Variants in KIAA0586 observed in about 807,000 individuals in gnomAD.
KIAA0586 encodes KIAA0586.
A neutral mutation model predicts 169.8 loss-of-function variants in KIAA0586; 144 were observed. The observed-to-expected ratio is 0.85, with a 90% confidence interval of 0.74 to 0.97. KIAA0586 has a LOEUF of 0.97. Ranked by LOEUF, KIAA0586 falls within the 50% of genes least tolerant of loss-of-function variation. The pLI is 0.00. For missense variants in KIAA0586, 1,854 were observed against 1,823.0 expected, an observed-to-expected ratio of 1.02 and a Z score of -0.31; for synonymous variants, 625 against 612.4, an observed-to-expected ratio of 1.02 and a Z score of -0.30.
At position 58,488,738 on chromosome 14, in the gene KIAA0586, C is replaced by A. The variant is rs375360391; in HGVS notation, c.3645C>A (p.Pro1215=). The change falls in exon 24 of 31, where the codon CCC becomes CCA. Residue 1215 remains proline, a synonymous_variant. Coordinates refer to ENST00000652326, the MANE Select transcript of KIAA0586 (RefSeq NM_001329943.3). Reference sequence around the variant, plus strand: ...CTGCCGGCACCAAGGCCCCTTCCCCCTCACAGATGCCAGGTTCTGATTCAT... The same window carrying A: ...CTGCCGGCACCAAGGCCCCTTCCCCATCACAGATGCCAGGTTCTGATTCAT... The part of the protein sequence containing the change: ...PFPAGTKAPS[P]SQMPGSDSST... The A allele has an allele frequency of 1.2e-6, 2 of 1,613,914 alleles. No individual in the cohort carries two copies. Among genetic ancestry groups the A allele is most frequent in the South Asian group, 2.2e-5 (2 of 91,084 alleles).
chr14:58,469,030 A>C (rs1191257091), intron 16 of KIAA0586, among the ~76,000 whole-genome samples: 1 of 152,110 alleles, frequency 6.6e-6, no homozygotes, highest in Non-Finnish European at 1.5e-5. Context: ...ACAGGCTCTT[A>C]GTACTGATTT....
chr14:58,442,991 T>C, intron 5 of KIAA0586, 111 bp downstream of exon 5: 1 of 756,196 alleles, frequency 1.3e-6, no homozygotes, highest in Non-Finnish European at 2.1e-6. Context: ...AACATTGTAG[T>C]TGCTCTCAAT....
At position 58,453,180 on chromosome 14, in the gene KIAA0586, A is replaced by G. The variant is rs538030845; in HGVS notation, c.1130-170A>G. ...ATGATCCACCCACCTCAGCCTCCCA[A>G]TGTGCTGGGATTACAGGCATGAGCC... On this transcript the variant is annotated intron_variant, in intron 8 of 30. Transcript: ENST00000652326. Among the ~76,000 whole-genome samples the G allele has an allele frequency of 1.7e-3, 259 of 149,088 alleles. 1 individual carries two copies. Among genetic ancestry groups the G allele is most frequent in the Non-Finnish European group, 1.8e-3 (119 of 66,914 alleles).
At chr14:58,557,467 G>C in the KIAA0586 span, among the ~76,000 whole-genome samples, 3 of 152,220 alleles carry the variant, frequency 2.0e-5, no homozygotes, top group Non-Finnish European at 4.4e-5. Flanking sequence ...AATGCAAAAA[G>C]CTGGTGCAGC....
At chr14:58,459,135 G>A (rs1385590729) in intron 12 of KIAA0586, among the ~76,000 whole-genome samples, 2 of 152,168 alleles carry the variant, frequency 1.3e-5, no homozygotes, top group African/African-American at 4.8e-5. Context: ...GTCCTGGGGT[G>A]CAAGGTGTGT....
chr14:58,531,636 G>C (rs994307786), intron 29 of KIAA0586, among the ~76,000 whole-genome samples: 1 of 152,090 alleles, frequency 6.6e-6, no homozygotes, highest in African/African-American at 2.4e-5. Context: ...GATTCCTCAA[G>C]GATCTAGAAC....
At chr14:58,427,403 T>TC (rs2036905703), upstream of KIAA0586, 1 of 542,174 alleles carries the variant, frequency 1.8e-6, no homozygotes, top group Non-Finnish European at 3.3e-6. Context: ...TAATCCCACG[T>TC]CCCTAACGGT....
chr14:58,486,103 C>T (rs1745111434), intron 21 of KIAA0586, among the ~76,000 whole-genome samples: 1 of 152,176 alleles, frequency 6.6e-6, no homozygotes, highest in African/African-American at 2.4e-5. Context: ...TTCTTCCCTC[C>T]TGCCCCCTGC....
intron 26 of KIAA0586, 98 bp from the exon 27 acceptor site, chr14:58,498,685 A>G (rs1374541763): frequency 1.0e-6 from 1 of 995,930 alleles, no homozygotes; most frequent in African/African-American, 1.7e-5. Flanking sequence ...ATACCTTCCA[A>G]GGAGTCAAAG....
intron 21 of KIAA0586, among the ~76,000 whole-genome samples, chr14:58,484,656 T>C (rs2042243920): frequency 6.6e-6 from 1 of 151,234 alleles, no homozygotes; most frequent in African/African-American, 2.4e-5. Flanking sequence ...AACACTTATA[T>C]GCTATATGTT....
intron 30 of KIAA0586, among the ~76,000 whole-genome samples, chr14:58,542,989 G>A (rs1341396607): frequency 2.6e-5 from 4 of 152,010 alleles, no homozygotes; most frequent in East Asian, 1.9e-4. Flanking sequence ...TTAGCCGGGC[G>A]TGGTGGCGGG....
intron 29 of KIAA0586, chr14:58,536,976 C>T (rs1302614000): frequency 9.0e-6 from 11 of 1,226,172 alleles, no homozygotes; most frequent in African/African-American, 1.6e-5. Flanking sequence ...CATCTTTTGA[C>T]TTCAATACCA....
chr14:58,453,467 C>A lies in KIAA0586; in HGVS notation c.1247C>A (p.Thr416Lys). 6.6e-7 allele frequency: 1 copy of A among 1,506,156 alleles called. No individual in the cohort carries two copies. Among genetic ancestry groups the A allele is most frequent in the South Asian group, 1.4e-5 (1 of 72,038 alleles). The allele number at this position is 1,506,156 out of a possible 1,614,324, so 93.3% of individuals were successfully genotyped here. ...RSKIGWTPEK[T>K]NRFPSCEELE... Reference sequence around the variant, plus strand: ...AAAATAGGATGGACTCCTGAGAAAACAAACAGGTAAAAACAAGAGATTGGA... The same window carrying A: ...AAAATAGGATGGACTCCTGAGAAAAAAAACAGGTAAAAACAAGAGATTGGA... Residue 416 changes from threonine to lysine, a missense_variant, in exon 9 of 31, where the codon ACA becomes AAA. Coordinates refer to ENST00000652326, the MANE Select transcript of KIAA0586 (RefSeq NM_001329943.3).
Position 58,547,917 on chromosome 14 carries a change from G to A in KIAA0586, c.4632G>A (p.Gly1544=). The A allele has an allele frequency of 1.2e-6, 2 of 1,613,452 alleles. No homozygotes were observed. Among genetic ancestry groups the A allele is most frequent in the African/African-American group, 1.3e-5 (1 of 74,950 alleles). The change falls in exon 31 of 31, where the codon GGG becomes GGA. Residue 1544 remains glycine (G), a synonymous_variant. Transcript: ENST00000652326. ...STMQEDMESS[G]ADTF ...TGCAGGAGGACATGGAGTCTTCGGG[G>A]GCAGATACCTTCTGAACGGGAAGAG...
At chr14:58,515,158 G>T (rs1263016603) in intron 29 of KIAA0586, among the ~76,000 whole-genome samples, 3 of 150,902 alleles carry the variant, frequency 2.0e-5, no homozygotes, top group Non-Finnish European at 4.4e-5. Flanking sequence ...ATGGTAAAAT[G>T]CTGTAATAGA....
intron 9 of KIAA0586, among the ~76,000 whole-genome samples, chr14:58,454,087 T>C (rs1187459191): frequency 6.6e-6 from 1 of 152,182 alleles, no homozygotes; most frequent in African/African-American, 2.4e-5. Flanking sequence ...TCTATATGCC[T>C]TAGGTCTTAG....
At chr14:58,460,260 A>G (rs988149823) in intron 13 of KIAA0586, among the ~76,000 whole-genome samples, 190 bp downstream of exon 13, 2 of 152,080 alleles carry the variant, frequency 1.3e-5, no homozygotes, top group African/African-American at 2.4e-5. Flanking sequence ...AACAAAATAG[A>G]TAGTTCCTTT....
At chr14:58,527,407 A>T (rs925798114) in intron 29 of KIAA0586, among the ~76,000 whole-genome samples, 11 of 152,224 alleles carry the variant, frequency 7.2e-5, no homozygotes, top group Admixed American at 1.3e-4. Flanking sequence ...TAATCGTCAG[A>T]TTCAACAAGG....
At chr14:58,509,019 AG>A (rs1364627295) in intron 28 of KIAA0586, among the ~76,000 whole-genome samples, 1 of 152,180 alleles carries the variant, frequency 6.6e-6, no homozygotes, top group Admixed American at 6.5e-5. Context: ...GCTTGAGTCC[AG>A]GAGTTTCAGA....
Sources: allele counts gnomAD v4.1 joint callset (sites outside exome capture counted in the v4.1 genomes callset), GRCh38; gene constraint gnomAD v4.1.1; transcripts MANE v1.5; gene names NCBI Gene and HGNC (gene_info 2026-07-23, HGNC 2026-07-21).